Variants in C16orf74 observed in about 807,000 individuals in gnomAD.
C16orf74 encodes uncharacterized protein C16orf74.
A neutral mutation model predicts 6.5 loss-of-function variants in C16orf74; 10 were observed. The ratio of observed to expected loss-of-function variants is 1.54; its 90% CI spans 0.95 to 2.61. C16orf74 has a LOEUF of 2.61. C16orf74 is among the 30% of genes most tolerant of loss of function. The pLI is 0.00. For missense variants in C16orf74, 141 were observed against 105.9 expected (o/e 1.33, Z -1.45); for synonymous variants, 60 against 42.5 (o/e 1.41, Z -1.60).
intron 2 of C16orf74, among the ~76,000 whole-genome samples, chr16:85,721,257 C>T (rs1052943029): frequency 6.6e-5 from 10 of 152,146 alleles, no homozygotes; most frequent in Admixed American, 4.6e-4. Flanking sequence ...TGCCTGGCCA[C>T]GGAAACACTC....
At chr16:85,711,782 C>T (rs2053973231) in intron 2 of C16orf74, among the ~76,000 whole-genome samples, 1 of 152,188 alleles carries the variant, frequency 6.6e-6, no homozygotes, top group South Asian at 2.1e-4. Context: ...GAGCCCCTGA[C>T]CAACAGGAGA....
rs145507151 is a variant in C16orf74 at position 85,749,471 on chromosome 16, G to T, written c.-19+1455C>A. 4.2e-3 allele frequency among the ~76,000 whole-genome samples: 634 copies of T among 151,180 alleles called. 2 individuals are homozygous for T. Among genetic ancestry groups the T allele is most frequent in the Non-Finnish European group, 7.8e-3 (526 of 67,708 alleles). ...CTCATTAAAAAATTTTTAGTAGCTG[G>T]GGGGACTCACTGTGTTGCCCAGGCT... On this transcript the variant is annotated intron_variant, in intron 1 of 3. Coordinates refer to ENST00000284245, the MANE Select transcript of C16orf74 (RefSeq NM_206967.3).
At chr16:85,720,097 T>C (rs564663577) in intron 2 of C16orf74, among the ~76,000 whole-genome samples, 2 of 152,138 alleles carry the variant, frequency 1.3e-5, no homozygotes, top group South Asian at 4.2e-4. Context: ...TTTGTGTTAT[T>C]ATGGATGAGG....
rs7773 is a variant in C16orf74 at position 85,707,651 on chromosome 16, C to G, written c.*357G>C. ...AAGAAGTTCTTGTTGGTGCTTATGG[C>G]AGGGGCATGTGTTTGCACAGCCCTG... is the stretch of plus-strand genomic sequence containing the variant. On this transcript the variant is annotated 3_prime_UTR_variant, in exon 4 of 4. Coordinates refer to ENST00000284245, the MANE Select transcript of C16orf74 (RefSeq NM_206967.3). 0.21 allele frequency: 51,274 copies of G among 248,324 alleles called. 5,971 individuals carry two copies. The highest frequency in any genetic ancestry group is 0.24 in the Non-Finnish European group (31,981 of 130,790). 15.4% of individuals were successfully genotyped at this position (248,324 alleles called of 1,614,324 possible).
chr16:85,732,347 G>A (rs2054197720), intron 2 of C16orf74, among the ~76,000 whole-genome samples: 1 of 152,122 alleles, frequency 6.6e-6, no homozygotes, highest in Non-Finnish European at 1.5e-5. Context: ...CAGAGTTCCT[G>A]GCTACTTCAA....
chr16:85,733,991 C>T (rs984109328), intron 2 of C16orf74, among the ~76,000 whole-genome samples: 2 of 152,206 alleles, frequency 1.3e-5, no homozygotes, highest in East Asian at 3.8e-4. Context: ...TTCCTCCCAG[C>T]CTGGGAATCT....
chr16:85,745,268 T>C (rs1040154013), intron 1 of C16orf74, among the ~76,000 whole-genome samples: 1 of 151,404 alleles, frequency 6.6e-6, no homozygotes, highest in African/African-American at 2.4e-5. Context: ...CACCCCCTCC[T>C]GAGGGGTGGC....
intron 2 of C16orf74, chr16:85,710,589 A>C: frequency 2.6e-6 from 1 of 388,670 alleles, no homozygotes; most frequent in African/African-American, 2.1e-5. Context: ...GTCAGCCTTT[A>C]CCATGTGGCC....
chr16:85,740,052 A>C (rs1028965367), intron 1 of C16orf74, among the ~76,000 whole-genome samples: 1 of 150,924 alleles, frequency 6.6e-6, no homozygotes, highest in African/African-American at 2.4e-5. Context: ...TCTACTAAAA[A>C]TACAAAAATT....
At chr16:85,739,989 C>T (rs1046241133) in intron 1 of C16orf74, among the ~76,000 whole-genome samples, 3 of 151,226 alleles carry the variant, frequency 2.0e-5, no homozygotes, top group South Asian at 2.1e-4. Flanking sequence ...GCGGGTGGAT[C>T]GCCTGAGGTC....
intron 1 of C16orf74, among the ~76,000 whole-genome samples, chr16:85,746,979 TC>T (rs2054381193): frequency 6.6e-6 from 1 of 152,056 alleles, no homozygotes; most frequent in Non-Finnish European, 1.5e-5. Context: ...GGACAGTGAG[TC>T]CCTCTCTGAG....
chr16:85,711,587 C>A (rs980897461), intron 2 of C16orf74, among the ~76,000 whole-genome samples: 2 of 145,274 alleles, frequency 1.4e-5, no homozygotes, highest in Non-Finnish European at 3.0e-5. Context: ...TGTGCCATTG[C>A]ACTCCAGCCT....
rs991756817 is a variant in C16orf74, at chr16:85,707,886, C to G, written c.*122G>C. The stretch of plus-strand genomic sequence containing the variant: ...CCTGCCACGTCTCTCTGAGCGGAGG[C>G]CCGGGTTCGCTCAGTTCCCATCCAG... On this transcript the variant is annotated 3_prime_UTR_variant, in exon 4 of 4. Transcript: ENST00000284245. The G allele has an allele frequency of 2.6e-5, 20 of 762,188 alleles. No individual in the cohort carries two copies. The highest frequency in any genetic ancestry group is 4.3e-5 in the Non-Finnish European group (20 of 465,550). 47.2% of individuals were successfully genotyped at this position (762,188 alleles called of 1,614,324 possible).
chr16:85,729,183 G>C (rs1436519080), intron 2 of C16orf74, among the ~76,000 whole-genome samples: 1 of 152,222 alleles, frequency 6.6e-6, no homozygotes, highest in Admixed American at 6.5e-5. Context: ...GTGGCCTTGA[G>C]CCAGTGAGAG....
chr16:85,712,969 A>G (rs567685242), intron 2 of C16orf74, among the ~76,000 whole-genome samples: 3 of 152,274 alleles, frequency 2.0e-5, no homozygotes, highest in Admixed American at 6.5e-5. Flanking sequence ...GTGAGCAATC[A>G]ATCAGCCTCC....
intron 1 of C16orf74, among the ~76,000 whole-genome samples, chr16:85,747,702 A>G (rs1196961666): frequency 6.6e-6 from 1 of 152,220 alleles, no homozygotes; most frequent in Middle Eastern, 3.2e-3. Context: ...TGGCCTCAGG[A>G]GACCCAGAGA....
chr16:85,722,950 G>C (rs928896026), intron 2 of C16orf74, among the ~76,000 whole-genome samples: 1 of 152,220 alleles, frequency 6.6e-6, no homozygotes, highest in Non-Finnish European at 1.5e-5. Flanking sequence ...GAGGCGAAAA[G>C]AGGTTGAGCC....
intron 2 of C16orf74, among the ~76,000 whole-genome samples, chr16:85,730,878 G>A (rs111465755): frequency 0.014 from 1,837 of 127,294 alleles, 19 homozygotes; most frequent in Middle Eastern, 0.058. Context: ...AAATCCCCTA[G>A]ACAACTGAAC....
intron 2 of C16orf74, among the ~76,000 whole-genome samples, chr16:85,713,723 G>C (rs1468723946): frequency 6.6e-6 from 1 of 151,590 alleles, no homozygotes; most frequent in African/African-American, 2.4e-5. Flanking sequence ...GTTGACTTAT[G>C]AATTTTTGGA....
Sources: allele counts gnomAD v4.1 joint callset (sites outside exome capture counted in the v4.1 genomes callset), GRCh38; gene constraint gnomAD v4.1.1; transcripts MANE v1.5; gene names NCBI Gene and HGNC (gene_info 2026-07-23, HGNC 2026-07-21).